RPS6KA5: variants seen among roughly 807,000 people sequenced by gnomAD.
RPS6KA5 encodes ribosomal protein S6 kinase alpha-5.
RPS6KA5 carries 27 observed loss-of-function variants against 85.5 expected under a neutral mutation model. The observed-to-expected ratio is 0.32, with a 90% confidence interval of 0.23 to 0.44. RPS6KA5 has a LOEUF of 0.44. Ranked by LOEUF, RPS6KA5 falls within the 20% of genes least tolerant of loss-of-function variation. The pLI is 1.00. For synonymous variants in RPS6KA5, 334 were observed against 348.2 expected (o/e 0.96, Z 0.46); for missense variants, 811 against 980.9 (o/e 0.83, Z 2.31).
intron 15 of RPS6KA5, 79 bp downstream of exon 15, chr14:90,875,122 T>G: frequency 7.6e-7 from 1 of 1,321,496 alleles, no homozygotes; most frequent in Non-Finnish European, 1.0e-6. Context: ...AATTAACATA[T>G]GAATGTATGT....
chr14:91,040,628 A>G (rs1646305084), intron 1 of RPS6KA5, among the ~76,000 whole-genome samples: 1 of 152,066 alleles, frequency 6.6e-6, no homozygotes, highest in Admixed American at 6.6e-5. Context: ...CAATGATAAC[A>G]TTTGCTTTCC....
chr14:90,943,647 A>G (rs191915338), intron 4 of RPS6KA5, among the ~76,000 whole-genome samples: 2 of 152,210 alleles, frequency 1.3e-5, no homozygotes, highest in Admixed American at 1.3e-4. Context: ...TACATGACTG[A>G]TATTTTCTAG....
intron 5 of RPS6KA5, among the ~76,000 whole-genome samples, chr14:90,923,713 T>A (rs1005790056): frequency 5.9e-5 from 9 of 151,852 alleles, no homozygotes; most frequent in East Asian, 3.9e-4. Context: ...AGAATAAAAA[T>A]TTTTTTTTCT....
chr14:90,991,394 G>A (rs1308431053), intron 2 of RPS6KA5, among the ~76,000 whole-genome samples: 2 of 152,044 alleles, frequency 1.3e-5, no homozygotes, highest in Non-Finnish European at 2.9e-5. Context: ...ATAGGACTTT[G>A]TGAGAAAATA....
intron 3 of RPS6KA5, among the ~76,000 whole-genome samples, chr14:90,960,122 C>T (rs531268999): frequency 3.4e-4 from 52 of 152,180 alleles, no homozygotes; most frequent in African/African-American, 1.2e-3. Flanking sequence ...ACATTTGGAC[C>T]AGTGGGGTTC....
rs1170398535 is a variant in RPS6KA5, at chr14:91,060,444, T to C, written c.-10A>G. On this transcript the variant is annotated 5_prime_UTR_variant, in exon 1 of 17. Coordinates refer to ENST00000614987, the MANE Select transcript of RPS6KA5 (RefSeq NM_004755.4). ...CACCCTCCTCCTCCATCTTCTCCTT[T>C]TTTTCCGATCCCGCGGGTCGCTACG... The C allele has an allele frequency of 6.9e-7, 1 of 1,457,358 alleles. No homozygotes were observed. The allele number at this position is 1,457,358 out of a possible 1,614,324, so 90.3% of individuals were successfully genotyped here. A position where few individuals can be genotyped will look rare whatever the true frequency, so the allele number is the denominator to read the frequency against.
intron 1 of RPS6KA5, among the ~76,000 whole-genome samples, chr14:91,017,413 T>C (rs1161083535): frequency 1.3e-5 from 2 of 152,190 alleles, no homozygotes; most frequent in Non-Finnish European, 2.9e-5. Flanking sequence ...TTGCCTGTGA[T>C]CAAGGAGCTA....
intron 3 of RPS6KA5, among the ~76,000 whole-genome samples, chr14:90,950,277 T>C (rs763680231): frequency 6.6e-6 from 1 of 152,268 alleles, no homozygotes; most frequent in Non-Finnish European, 1.5e-5. Flanking sequence ...TGATCTTACA[T>C]ACTGCAATTC....
At chr14:91,014,134 A>G (rs1054101083) in intron 1 of RPS6KA5, among the ~76,000 whole-genome samples, 1 of 152,358 alleles carries the variant, frequency 6.6e-6, no homozygotes, top group Middle Eastern at 3.4e-3. Flanking sequence ...AGTGAACTTT[A>G]TTGCATGCAA....
intron 7 of RPS6KA5, chr14:90,911,214 C>T (rs1468403333): frequency 2.0e-5 from 3 of 152,146 alleles, no homozygotes; most frequent in Non-Finnish European, 2.9e-5. Flanking sequence ...TGCTTTATTT[C>T]CAGGGCCTAG....
intron 10 of RPS6KA5, 100 bp downstream of exon 10, chr14:90,900,511 C>T: frequency 8.0e-7 from 1 of 1,253,314 alleles, no homozygotes; most frequent in Non-Finnish European, 1.1e-6. Flanking sequence ...TAAAATTGCA[C>T]TTTAGTTGAA....
rs2032363636 is a variant in RPS6KA5 at position 90,857,910 on chromosome 14, C to T, written c.*14164G>A. 6.6e-6 allele frequency: 1 copy of T among 152,130 alleles called. No homozygotes were observed. Among genetic ancestry groups the T allele is most frequent in the Non-Finnish European group, 1.5e-5 (1 of 68,016 alleles). The allele number at this position is 152,130 out of a possible 1,614,324, so 9.4% of individuals were successfully genotyped here. A position where few individuals can be genotyped will look rare whatever the true frequency, so the allele number is the denominator to read the frequency against. The stretch of plus-strand genomic sequence containing the variant: ...CTGGCCTGAAAGAAGTGCTCAAAAA[C>T]TATTTAATGGACAAAGGAACAAATG... On this transcript the variant is annotated 3_prime_UTR_variant, in exon 17 of 17. Coordinates refer to ENST00000614987, the MANE Select transcript of RPS6KA5 (RefSeq NM_004755.4).
At chr14:91,058,013 G>T (rs1022518851) in intron 1 of RPS6KA5, among the ~76,000 whole-genome samples, 2 of 152,120 alleles carry the variant, frequency 1.3e-5, no homozygotes, top group Non-Finnish European at 2.9e-5. Context: ...CTGCACAAAT[G>T]AGCCACCACC....
intron 5 of RPS6KA5, among the ~76,000 whole-genome samples, chr14:90,929,837 T>C (rs1457299459): frequency 2.6e-5 from 4 of 152,148 alleles, no homozygotes; most frequent in African/African-American, 9.7e-5. Context: ...TCTCACCTTT[T>C]CAGAATCAAG....
intron 2 of RPS6KA5, among the ~76,000 whole-genome samples, chr14:90,984,598 G>A (rs912868176): frequency 2.0e-5 from 3 of 152,168 alleles, no homozygotes; most frequent in Admixed American, 1.3e-4. Flanking sequence ...GTGGCTTGAC[G>A]ATAAGAAATA....
chr14:90,915,222 A>G (rs2036050390), intron 7 of RPS6KA5, among the ~76,000 whole-genome samples: 1 of 152,228 alleles, frequency 6.6e-6, no homozygotes, highest in Non-Finnish European at 1.5e-5. Context: ...TAAAGGGCTC[A>G]TGGTAGGCAG....
intron 1 of RPS6KA5, among the ~76,000 whole-genome samples, chr14:91,042,716 AAAGC>A (rs2042652431): frequency 6.6e-6 from 1 of 151,978 alleles, no homozygotes; most frequent in African/African-American, 2.4e-5. Context: ...TTAAATAATA[AAAGC>A]AAGTCTTTTA....
At chr14:90,962,483 C>T (rs780285249) in intron 3 of RPS6KA5, among the ~76,000 whole-genome samples, 4 of 151,976 alleles carry the variant, frequency 2.6e-5, no homozygotes, top group South Asian at 2.1e-4. Flanking sequence ...GACAGGGTTT[C>T]GCCATGTTAG....
At chr14:90,962,722 G>A (rs936163280) in intron 3 of RPS6KA5, among the ~76,000 whole-genome samples, 1 of 152,106 alleles carries the variant, frequency 6.6e-6, no homozygotes, top group South Asian at 2.1e-4. Context: ...TTCCAAAATT[G>A]TAAGAACAAT....
Sources: allele counts gnomAD v4.1 joint callset (sites outside exome capture counted in the v4.1 genomes callset), GRCh38; gene constraint gnomAD v4.1.1; transcripts MANE v1.5; gene names NCBI Gene and HGNC (gene_info 2026-07-23, HGNC 2026-07-21).